Variants in SYNPO2 observed in about 807,000 individuals in gnomAD.
The protein encoded by SYNPO2 is synaptopodin-2.
A neutral mutation model predicts 85.0 loss-of-function variants in SYNPO2; 56 were observed. The observed-to-expected ratio is 0.66, with a 90% CI of 0.53 to 0.82. SYNPO2 has a LOEUF of 0.82. Ranked by LOEUF, SYNPO2 falls within the 40% of genes least tolerant of loss-of-function variation. SYNPO2 has a pLI of 0.00. For synonymous variants in SYNPO2, 602 were observed against 591.1 expected (o/e 1.02, Z -0.27); for missense variants, 1,575 against 1,534.2 (o/e 1.03, Z -0.44).
chr4:119,038,414 A>C, intron 4 of SYNPO2: 1 of 985,422 alleles, frequency 1.0e-6, no homozygotes, highest in African/African-American at 1.7e-5. Flanking sequence ...TGACTTCTCA[A>C]AATTCTTTCA....
chr4:118,985,174 C>T (rs1736171941), intron 1 of SYNPO2, among the ~76,000 whole-genome samples: 1 of 119,910 alleles, frequency 8.3e-6, no homozygotes, highest in African/African-American at 3.2e-5. Context: ...AGCCACTGCT[C>T]TAGTAGGATG....
intron 1 of SYNPO2, among the ~76,000 whole-genome samples, chr4:118,993,446 G>A (rs1237032653): frequency 1.3e-5 from 2 of 152,174 alleles, no homozygotes; most frequent in Non-Finnish European, 2.9e-5. Flanking sequence ...AAAGTCAATG[G>A]AGAAATATAT....
chr4:119,008,026 A>G (rs1409102048), intron 1 of SYNPO2, among the ~76,000 whole-genome samples: 1 of 152,190 alleles, frequency 6.6e-6, no homozygotes, highest in Non-Finnish European at 1.5e-5. Flanking sequence ...CAAATGGGAG[A>G]CTAAATTTTG....
At position 119,022,045 on chromosome 4, in the gene SYNPO2, A is replaced by C. The variant is rs562173712; in HGVS notation, c.106-1385A>C. Among the ~76,000 whole-genome samples, 588 of 152,130 alleles carry C rather than the reference A, an allele frequency of 3.9e-3. 5 individuals are homozygous for C. Among genetic ancestry groups the C allele is most frequent in the Non-Finnish European group, 5.5e-3 (377 of 67,996 alleles). On this transcript the variant is annotated intron_variant, in intron 1 of 4. Coordinates refer to ENST00000307142, the MANE Select transcript of SYNPO2 (RefSeq NM_133477.3). ...CTCTTTTTTCTTTCTTTTTTGCTAA[A>C]GTTTGCTTAGTACCATGCCTGGAGT...
At chr4:118,973,329 C>T (rs775040785) in intron 1 of SYNPO2, among the ~76,000 whole-genome samples, 12 of 151,292 alleles carry the variant, frequency 7.9e-5, no homozygotes, top group Admixed American at 2.6e-4. Flanking sequence ...TACATATATA[C>T]GTATAATGAT....
At chr4:119,018,537 T>G (rs1737601930) in intron 1 of SYNPO2, among the ~76,000 whole-genome samples, 1 of 152,170 alleles carries the variant, frequency 6.6e-6, no homozygotes, top group African/African-American at 2.4e-5. Flanking sequence ...GTGACTGGAC[T>G]AATTTGCATT....
chr4:119,034,411 C>T, intron 4 of SYNPO2: 2 of 983,746 alleles, frequency 2.0e-6, no homozygotes, highest in Non-Finnish European at 2.4e-6. Flanking sequence ...TTTCCATTTC[C>T]TGTTGGACAG....
chr4:118,985,394 G>T (rs116432818), intron 1 of SYNPO2, among the ~76,000 whole-genome samples: 131 of 152,316 alleles, frequency 8.6e-4, no homozygotes, highest in Middle Eastern at 3.4e-3. Flanking sequence ...CTGACTCCCT[G>T]TGGAAGCTGT....
intron 1 of SYNPO2, among the ~76,000 whole-genome samples, chr4:118,997,898 GCAAC>G (rs1736678973): frequency 6.6e-6 from 1 of 152,168 alleles, no homozygotes; most frequent in African/African-American, 2.4e-5. Flanking sequence ...GTTCTCATAG[GCAAC>G]CTGTTGATTT....
chr4:118,945,472 A>G (rs1397511556), intron 1 of SYNPO2, among the ~76,000 whole-genome samples: 1 of 152,228 alleles, frequency 6.6e-6, no homozygotes, highest in East Asian at 1.9e-4. Context: ...TACCTGGGAG[A>G]AGAAAGTGAG....
Position 119,046,994 on chromosome 4 carries a change from T to C in SYNPO2, c.3253-10407T>C, listed in dbSNP as rs148605580. ...AACAGAACCAAGATGATATGCTACA[T>C]ACAAGACCCTATCTCTTATTTTGAT... On this transcript the variant is annotated intron_variant, in intron 4 of 4. Transcript: ENST00000307142. Among the ~76,000 whole-genome samples, 74 of 152,334 alleles carry C rather than the reference T, an allele frequency of 4.9e-4. No homozygotes were observed. The East Asian group carries it at 0.014, about 29-fold the overall frequency.
At chr4:119,012,588 C>T (rs1456489286) in intron 1 of SYNPO2, among the ~76,000 whole-genome samples, 1 of 151,878 alleles carries the variant, frequency 6.6e-6, no homozygotes, top group Admixed American at 6.6e-5. Context: ...GTGATGTTTC[C>T]CCTCCTGTGT....
chr4:118,980,028 G>A (rs1047638319), intron 1 of SYNPO2, among the ~76,000 whole-genome samples: 2 of 152,188 alleles, frequency 1.3e-5, no homozygotes, highest in Non-Finnish European at 2.9e-5. Flanking sequence ...CTCTTTTGGA[G>A]TTTGAAGAAT....
intron 1 of SYNPO2, among the ~76,000 whole-genome samples, chr4:118,923,888 C>CAAAAAAAA (rs35102295): frequency 7.8e-6 from 1 of 128,838 alleles, no homozygotes. Context: ...AGACTGCACT[C>CAAAAAAAA]AAAAAAAAAA....
intron 1 of SYNPO2, among the ~76,000 whole-genome samples, chr4:119,001,280 T>A (rs894297698): frequency 6.6e-6 from 1 of 152,192 alleles, no homozygotes; most frequent in Non-Finnish European, 1.5e-5. Flanking sequence ...CACCTCAAAA[T>A]CTTAAATCAA....
intron 1 of SYNPO2, among the ~76,000 whole-genome samples, chr4:118,949,975 T>A (rs1460546041): frequency 1.3e-5 from 2 of 152,228 alleles, no homozygotes; most frequent in African/African-American, 2.4e-5. Flanking sequence ...AAAATTCCAT[T>A]TGAAGCTATG....
chr4:118,956,537 G>T (rs1050892241), intron 1 of SYNPO2, among the ~76,000 whole-genome samples: 1 of 152,156 alleles, frequency 6.6e-6, no homozygotes, highest in East Asian at 1.9e-4. Flanking sequence ...TTCCTATTGG[G>T]TAAATCAATT....
At chr4:118,925,803 T>C (rs1385737857) in intron 1 of SYNPO2, among the ~76,000 whole-genome samples, 1 of 151,790 alleles carries the variant, frequency 6.6e-6, no homozygotes, top group Non-Finnish European at 1.5e-5. Context: ...GTGGGGTGTG[T>C]AATTATAATT....
In SYNPO2 at chr4:119,058,899, T is replaced by A. The variant is rs1286945162; in HGVS notation, c.*965T>A. The A allele has an allele frequency of 6.6e-6, 1 of 152,166 alleles. No individual in the cohort carries two copies. The highest frequency in any genetic ancestry group is 6.5e-5 in the Admixed American group (1 of 15,276). 9.4% of individuals were successfully genotyped at this position (152,166 alleles called of 1,614,324 possible). A position where few individuals can be genotyped will look rare whatever the true frequency, so the allele number is the denominator to read the frequency against. On this transcript the variant is annotated 3_prime_UTR_variant, in exon 5 of 5. Coordinates refer to ENST00000307142, the MANE Select transcript of SYNPO2 (RefSeq NM_133477.3). ...ATTATTACACATTTTGGAAGGACTT[T>A]TGAGGAATGATGTGATGTGTAGAGA...
Sources: gnomAD v4.1 joint callset for allele counts (sites outside exome capture counted in the v4.1 genomes callset) on GRCh38, gnomAD v4.1.1 for gene constraint, MANE v1.5 for transcripts, NCBI Gene and HGNC (gene_info 2026-07-23, HGNC 2026-07-21) for gene names.